The following CSMD1 variants were observed in gnomAD, a reference collection of about 807,000 sequenced individuals.
The protein encoded by CSMD1 is CUB and sushi domain-containing protein 1.
A neutral mutation model predicts 417.5 loss-of-function variants in CSMD1; 213 were observed. The observed-to-expected ratio is 0.51, with a 90% CI of 0.46 to 0.57. The LOEUF (loss-of-function observed/expected upper bound fraction) is 0.57, where lower values mean the gene tolerates loss of function less well. CSMD1 is among the 20% of genes least tolerant of loss of function. CSMD1 has a pLI of 0.00. For synonymous variants in CSMD1, 2,862 were observed against 1,736.8 expected (o/e 1.65, Z -16.11); for missense variants, 6,923 against 4,529.7 (o/e 1.53, Z -15.17).
At chr8:4,013,285 G>C (rs1025959337) in intron 4 of CSMD1, among the ~76,000 whole-genome samples, 1 of 152,060 alleles carries the variant, frequency 6.6e-6, no homozygotes, top group African/African-American at 2.4e-5. Context: ...ATCTGCTCAG[G>C]CCACACTGCC....
intron 1 of CSMD1, among the ~76,000 whole-genome samples, chr8:4,838,185 G>A (rs1482689163): frequency 1.3e-5 from 2 of 152,184 alleles, no homozygotes; most frequent in East Asian, 3.9e-4. Flanking sequence ...CTTGTGTGCA[G>A]TGTTCTCCCC....
At chr8:4,971,596 A>G (rs1444204092) in intron 1 of CSMD1, among the ~76,000 whole-genome samples, 14 of 151,984 alleles carry the variant, frequency 9.2e-5, no homozygotes, top group Admixed American at 9.2e-4. Flanking sequence ...CCACACATTC[A>G]AAGACTATGA....
At chr8:4,453,867 G>C (rs1043058957) in intron 2 of CSMD1, among the ~76,000 whole-genome samples, 1 of 115,560 alleles carries the variant, frequency 8.7e-6, no homozygotes, top group Non-Finnish European at 1.6e-5. Context: ...TGTCACCCAC[G>C]CTGGAGTGCA....
At chr8:4,438,988 G>A (rs1432756232) in intron 2 of CSMD1, among the ~76,000 whole-genome samples, 1 of 152,146 alleles carries the variant, frequency 6.6e-6, no homozygotes, top group East Asian at 1.9e-4. Context: ...AGTCCTAGAC[G>A]TTTGGGGCAA....
At chr8:4,654,807 T>C (rs1415681904) in intron 1 of CSMD1, among the ~76,000 whole-genome samples, 1 of 152,098 alleles carries the variant, frequency 6.6e-6, no homozygotes, top group Admixed American at 6.5e-5. Context: ...GAAAGTCATC[T>C]TTCACTGGTG....
In CSMD1 at chr8:4,034,337, T is replaced by C. The variant is rs576265615; in HGVS notation, c.416-2238A>G. On this transcript the variant is annotated intron_variant, in intron 3 of 69. Transcript: ENST00000635120. ...TCTCTATTTACATAGTCAAAGTGTA[T>C]TCAGTTCTAGTTTTTAAGAAGTAAT... 2.3e-3 allele frequency among the ~76,000 whole-genome samples: 349 copies of C among 152,346 alleles called. 1 individual carries two copies. Among genetic ancestry groups the C allele is most frequent in the South Asian group, 4.8e-3 (23 of 4,828 alleles).
chr8:4,399,104 G>C (rs1188435934), intron 3 of CSMD1, among the ~76,000 whole-genome samples: 2 of 152,142 alleles, frequency 1.3e-5, no homozygotes, highest in Non-Finnish European at 1.5e-5. Flanking sequence ...TAAATGCTTA[G>C]AGCTTTAAGA....
Position 3,219,208 on chromosome 8 carries a change from G to C in CSMD1, c.4672+47C>G, listed in dbSNP as rs757177037. ...CAAAGCAATGCCTACAATAAAAACAGTCCTGATACAAATTAATTCCCACTC... is the reference window on the plus strand; with the variant it reads ...CAAAGCAATGCCTACAATAAAAACACTCCTGATACAAATTAATTCCCACTC... On this transcript the variant is annotated intron_variant, in intron 29 of 69. Coordinates refer to ENST00000635120, the MANE Select transcript of CSMD1 (RefSeq NM_033225.6). The C allele has an allele frequency of 4.1e-6, 6 of 1,465,762 alleles. No homozygotes were observed. The Admixed American group carries it at 9.8e-5, about 24-fold the overall frequency. 90.8% of individuals were successfully genotyped at this position (1,465,762 alleles called of 1,614,324 possible). A position where few individuals can be genotyped will look rare whatever the true frequency, so the allele number is the denominator to read the frequency against.
intron 10 of CSMD1, among the ~76,000 whole-genome samples, chr8:3,529,409 G>C (rs28457591): frequency 0.11 from 16,841 of 152,078 alleles, 1,106 homozygotes; most frequent in Admixed American, 0.18. Flanking sequence ...AGGAGATGGG[G>C]GGTTGATACA....
chr8:4,072,456 T>G (rs1799609728), intron 3 of CSMD1, among the ~76,000 whole-genome samples: 1 of 152,172 alleles, frequency 6.6e-6, no homozygotes, highest in African/African-American at 2.4e-5. Context: ...GGAGATAGAC[T>G]TTATTATTTC....
intron 12 of CSMD1, among the ~76,000 whole-genome samples, chr8:3,450,242 C>G (rs113780303): frequency 3.9e-5 from 6 of 152,150 alleles, no homozygotes; most frequent in African/African-American, 1.4e-4. Context: ...CATGGTCTTT[C>G]TCTGTCATGA....
intron 7 of CSMD1, chr8:3,704,633 G>C (rs147299123): frequency 1.3e-5 from 2 of 152,152 alleles, no homozygotes; most frequent in Admixed American, 6.5e-5. Flanking sequence ...TTCTTCTCTC[G>C]CTTATTAAAC....
At chr8:3,794,589 T>A (rs1799937089) in intron 5 of CSMD1, among the ~76,000 whole-genome samples, 1 of 148,884 alleles carries the variant, frequency 6.7e-6, no homozygotes, top group Non-Finnish European at 1.5e-5. Context: ...GGTTTATTTT[T>A]CCATTTTTTT....
At chr8:4,954,449 C>A (rs577491240) in intron 1 of CSMD1, among the ~76,000 whole-genome samples, 8 of 152,182 alleles carry the variant, frequency 5.3e-5, no homozygotes, top group Admixed American at 2.6e-4. Context: ...ATAGCTGACA[C>A]CATTTATTGA....
chr8:3,323,043 A>G (rs570200658), intron 23 of CSMD1, among the ~76,000 whole-genome samples: 43 of 152,294 alleles, frequency 2.8e-4, no homozygotes, highest in Admixed American at 2.1e-3. Context: ...CTCATTTACA[A>G]TTCAAGTCAT....
chr8:3,709,971 C>T (rs532667586), intron 6 of CSMD1, among the ~76,000 whole-genome samples: 2 of 151,774 alleles, frequency 1.3e-5, no homozygotes, highest in South Asian at 4.2e-4. Flanking sequence ...CCCCCACACA[C>T]AGCTGAAAAC....
intron 42 of CSMD1, among the ~76,000 whole-genome samples, chr8:3,116,592 T>A (rs952987156): frequency 6.6e-6 from 1 of 152,210 alleles, no homozygotes; most frequent in Non-Finnish European, 1.5e-5. Flanking sequence ...TATACCATGT[T>A]AGAATTAGGA....
At chr8:3,023,203 G>C (rs1809586375) in intron 51 of CSMD1, among the ~76,000 whole-genome samples, 1 of 152,196 alleles carries the variant, frequency 6.6e-6, no homozygotes, top group African/African-American at 2.4e-5. Context: ...ACAAACAGCA[G>C]ATCTTCAAAG....
chr8:3,610,240 A>C (rs2469331), intron 8 of CSMD1, among the ~76,000 whole-genome samples: 3 of 151,996 alleles, frequency 2.0e-5, no homozygotes, highest in Non-Finnish European at 4.4e-5. Flanking sequence ...GTAGATATAA[A>C]CAATAAATCG....
Sources: gnomAD v4.1 joint callset for allele counts (sites outside exome capture counted in the v4.1 genomes callset) on GRCh38, gnomAD v4.1.1 for gene constraint, MANE v1.5 for transcripts, NCBI Gene and HGNC (gene_info 2026-07-23, HGNC 2026-07-21) for gene names.